The following EFHD1 variants were observed in gnomAD, a reference collection of about 807,000 sequenced individuals.
EFHD1 encodes the protein EF-hand domain family member D1, also known as EF-hand domain-containing protein D1.
Under a neutral mutation model 17.2 loss-of-function variants are expected in EFHD1, and 10 were observed. The ratio of observed to expected loss-of-function variants is 0.58; its 90% CI spans 0.36 to 0.99. The LOEUF (loss-of-function observed/expected upper bound fraction) is 0.99. Ranked by LOEUF, EFHD1 falls within the 50% of genes least tolerant of loss-of-function variation. The probability of loss-of-function intolerance (pLI) is 0.01; values close to 1 mark genes in which losing one functional copy is unlikely to be tolerated. For missense variants in EFHD1, 310 were observed against 327.5 expected (o/e 0.95, Z 0.41); for synonymous variants, 153 against 142.0 (o/e 1.08, Z -0.55).
In EFHD1 at chr2:232,634,019, T is replaced by A; in HGVS notation, c.302+13T>A. The A allele has an allele frequency of 4.4e-6, 7 of 1,596,790 alleles. No homozygotes were observed. Among genetic ancestry groups the A allele is most frequent in the Non-Finnish European group, 5.9e-6 (7 of 1,179,154 alleles). On this transcript the variant is annotated intron_variant, in intron 1 of 3. Coordinates refer to ENST00000264059, the MANE Select transcript of EFHD1 (RefSeq NM_025202.4). The stretch of plus-strand genomic sequence containing the variant: ...GCATGTTCAAACTGTGAGCTCCCGC[T>A]GCGCGCCCTTCGCCCCCGGGACCAG...
intron 1 of EFHD1, among the ~76,000 whole-genome samples, chr2:232,641,632 C>T (rs1223186056): frequency 6.6e-6 from 1 of 152,194 alleles, no homozygotes; most frequent in African/African-American, 2.4e-5. Flanking sequence ...CAGCCACAGG[C>T]AATATGCAAA....
At chr2:232,638,052 C>G (rs892395268) in intron 1 of EFHD1, 2 of 208,894 alleles carry the variant, frequency 9.6e-6, no homozygotes, top group African/African-American at 4.6e-5. Context: ...AGAAAGTTCC[C>G]TCTCCATTTC....
At chr2:232,654,546 G>T (rs575250414) in intron 1 of EFHD1, among the ~76,000 whole-genome samples, 1 of 149,786 alleles carries the variant, frequency 6.7e-6, no homozygotes, top group Admixed American at 6.7e-5. Context: ...TCAGCCTCCT[G>T]AGTAGCTGGG....
rs188023913 is a variant in EFHD1 at position 232,677,787 on chromosome 2, G to A, written c.586-3798G>A. Among the ~76,000 whole-genome samples the A allele has an allele frequency of 1.1e-3, 173 of 152,208 alleles. 1 individual carries two copies. The highest frequency in any genetic ancestry group is 2.0e-3 in the Non-Finnish European group (139 of 68,024). On this transcript the variant is annotated intron_variant, in intron 3 of 3. Transcript: ENST00000264059. Reference sequence around the variant, plus strand: ...CTCCCCCAACACAGTTAAATGTTGGGAAATGTAAGGATTACTTCTTCCCTT... The same window carrying A: ...CTCCCCCAACACAGTTAAATGTTGGAAAATGTAAGGATTACTTCTTCCCTT...
At chr2:232,649,233 G>A (rs1037034815) in intron 1 of EFHD1, among the ~76,000 whole-genome samples, 4 of 152,180 alleles carry the variant, frequency 2.6e-5, no homozygotes, top group Non-Finnish European at 5.9e-5. Context: ...GGTTGGGGTC[G>A]GAGTCACCTC....
chr2:232,607,757 A>T (rs1364817677), intron 1 of EFHD1, among the ~76,000 whole-genome samples: 1 of 150,520 alleles, frequency 6.6e-6, no homozygotes, highest in Non-Finnish European at 1.5e-5. Context: ...CTATCTCAAA[A>T]AAAAAGGAAA....
intron 1 of EFHD1, among the ~76,000 whole-genome samples, chr2:232,634,893 G>A (rs903072111): frequency 1.3e-5 from 2 of 152,208 alleles, no homozygotes; most frequent in Non-Finnish European, 2.9e-5. Context: ...AAATGCCTGG[G>A]GGAGCTGAGG....
At chr2:232,624,238 C>T (rs542029626) in intron 1 of EFHD1, among the ~76,000 whole-genome samples, 9 of 152,154 alleles carry the variant, frequency 5.9e-5, no homozygotes, top group Non-Finnish European at 1.3e-4. Context: ...ACCCAGGGAA[C>T]CCAGGTCTTT....
intron 2 of EFHD1, among the ~76,000 whole-genome samples, chr2:232,665,186 A>T (rs1038417936): frequency 1.3e-5 from 2 of 152,170 alleles, no homozygotes; most frequent in African/African-American, 4.8e-5. Flanking sequence ...TGCAGGCAAA[A>T]TTTTGAGATA....
chr2:232,613,629 CA>C (rs1693848425), intron 1 of EFHD1, among the ~76,000 whole-genome samples: 2 of 138,206 alleles, frequency 1.4e-5, no homozygotes, highest in Non-Finnish European at 3.2e-5. Context: ...CACACACACA[CA>C]CATATACACA....
intron 2 of EFHD1, among the ~76,000 whole-genome samples, chr2:232,667,374 A>G (rs1227252063): frequency 2.0e-5 from 3 of 152,130 alleles, no homozygotes; most frequent in African/African-American, 4.8e-5. Context: ...GGATAATGCA[A>G]TGTGGGGTGC....
At chr2:232,618,183 A>G (rs1693960951) in intron 1 of EFHD1, among the ~76,000 whole-genome samples, 1 of 151,128 alleles carries the variant, frequency 6.6e-6, no homozygotes, top group Admixed American at 6.6e-5. Context: ...CCGTGCCCGG[A>G]TAATTTTTGT....
At chr2:232,648,597 C>A (rs1458144844) in intron 1 of EFHD1, among the ~76,000 whole-genome samples, 3 of 152,056 alleles carry the variant, frequency 2.0e-5, no homozygotes, top group South Asian at 2.1e-4. Flanking sequence ...CATAGGGTAA[C>A]CCCAGGAGGG....
chr2:232,641,620 A>T (rs1694433972), intron 1 of EFHD1, among the ~76,000 whole-genome samples: 1 of 152,214 alleles, frequency 6.6e-6, no homozygotes, highest in Non-Finnish European at 1.5e-5. Flanking sequence ...GTGATATGAA[A>T]GCAGCCACAG....
chr2:232,634,374 G>C lies in EFHD1; in HGVS notation c.302+368G>C, dbSNP rs183639716. Among the ~76,000 whole-genome samples, 204 of 152,324 alleles carry C rather than the reference G, an allele frequency of 1.3e-3. 2 individuals carry two copies. The highest frequency in any genetic ancestry group is 4.7e-3 in the African/African-American group (194 of 41,578). ...AGCCGTCGCCGCGCCTCACCTGCCA[G>C]CTTTCACTGTATCCCCCCAAGGGAA... On this transcript the variant is annotated intron_variant, in intron 1 of 3. Coordinates refer to ENST00000264059, the MANE Select transcript of EFHD1 (RefSeq NM_025202.4).
At chr2:232,634,335 C>G (rs1323555558) in intron 1 of EFHD1, among the ~76,000 whole-genome samples, 1 of 152,114 alleles carries the variant, frequency 6.6e-6, no homozygotes, top group Non-Finnish European at 1.5e-5. Flanking sequence ...CCGAAAGCAA[C>G]TTCTAGGAAA....
chr2:232,666,167 A>G (rs1415825723), intron 2 of EFHD1, among the ~76,000 whole-genome samples: 1 of 152,142 alleles, frequency 6.6e-6, no homozygotes, highest in African/African-American at 2.4e-5. Context: ...GCTGAACCTG[A>G]GATACGATTC....
At chr2:232,627,548 T>C (rs561316790) in intron 1 of EFHD1, among the ~76,000 whole-genome samples, 55 of 152,284 alleles carry the variant, frequency 3.6e-4, no homozygotes, top group African/African-American at 1.3e-3. Context: ...TATATCCAAC[T>C]GTATTTCCAG....
chr2:232,610,148 G>T (rs139722376), intron 1 of EFHD1, among the ~76,000 whole-genome samples: 1 of 152,360 alleles, frequency 6.6e-6, no homozygotes, highest in East Asian at 1.9e-4. Flanking sequence ...GGACCCTTCA[G>T]ACAGGGTTGC....
Sources: allele counts gnomAD v4.1 joint callset (sites outside exome capture counted in the v4.1 genomes callset), GRCh38; gene constraint gnomAD v4.1.1; transcripts MANE v1.5; gene names NCBI Gene and HGNC (gene_info 2026-07-23, HGNC 2026-07-21).